PSTPIP1: variants seen among roughly 807,000 people sequenced by gnomAD.
The protein encoded by PSTPIP1 is proline-serine-threonine phosphatase interacting protein 1.
PSTPIP1 carries 66 observed loss-of-function variants against 69.6 expected under a neutral mutation model. That is an observed-to-expected ratio of 0.95 (90% confidence interval 0.78 to 1.16). The LOEUF is 1.16. Ranked by LOEUF, PSTPIP1 falls within the 50% of genes most tolerant of loss-of-function variation. The probability of loss-of-function intolerance (pLI) is 0.00; values close to 1 mark genes in which losing one functional copy is unlikely to be tolerated. For synonymous variants in PSTPIP1, 266 were observed against 222.7 expected (o/e 1.19, Z -1.73); for missense variants, 603 against 557.4 (o/e 1.08, Z -0.82).
Position 77,037,212 on chromosome 15 carries a change from A to C in PSTPIP1, c.*36A>C. 6.4e-7 allele frequency: 1 copy of C among 1,564,056 alleles called. No individual in the cohort carries two copies. Among genetic ancestry groups the C allele is most frequent in the Non-Finnish European group, 8.6e-7 (1 of 1,156,130 alleles). On this transcript the variant is annotated 3_prime_UTR_variant, in exon 15 of 15. Coordinates refer to ENST00000558012, the MANE Select transcript of PSTPIP1 (RefSeq NM_003978.5). ...GGAGCCCCTTCGGACCTGCCCTGCC[A>C]GTGGAGCCAGCAGTGCCCCCAGCAC...
Position 76,995,613 on chromosome 15 carries a change from A to C in PSTPIP1, c.36+4A>C. The C allele has an allele frequency of 6.2e-7, 1 of 1,613,416 alleles. No homozygotes were observed. Among genetic ancestry groups the C allele is most frequent in the Non-Finnish European group, 8.5e-7 (1 of 1,179,862 alleles). The stretch of plus-strand genomic sequence containing the variant: ...GCAGTTCAAAGATGCCTTTTGGGTG[A>C]GTGAGGATGGTTGGGGGCACTGAAC... On this transcript the variant is annotated splice_donor_region_variant and intron_variant, in intron 1 of 14. Coordinates refer to ENST00000558012, the MANE Select transcript of PSTPIP1 (RefSeq NM_003978.5).
chr15:77,035,403 C>A, intron 12 of PSTPIP1, 105 bp from the exon 13 acceptor site: 1 of 1,227,168 alleles, frequency 8.1e-7, no homozygotes, highest in Non-Finnish European at 1.2e-6. Context: ...CCAGCCCTGG[C>A]AGAGCGCGTG....
At chr15:77,028,777 A>T in intron 7 of PSTPIP1, 125 bp downstream of exon 7, 1 of 824,716 alleles carries the variant, frequency 1.2e-6, no homozygotes, top group South Asian at 2.2e-5. Flanking sequence ...GCCCTCTCTG[A>T]CCCCCAATCT....
intron 1 of PSTPIP1, among the ~76,000 whole-genome samples, chr15:77,004,463 C>T (rs963373412): frequency 6.6e-6 from 1 of 152,134 alleles, no homozygotes; most frequent in Non-Finnish European, 1.5e-5. Context: ...AACAGCCACA[C>T]TGGGGAGGAA....
intron 1 of PSTPIP1, chr15:77,015,889 G>T (rs776923558): frequency 3.1e-5 from 14 of 454,942 alleles, no homozygotes; most frequent in Admixed American, 2.8e-4. Flanking sequence ...AGCTCTGAGC[G>T]GGGGACTGGG....
At position 77,030,549 on chromosome 15, in the gene PSTPIP1, G is replaced by C; in HGVS notation, c.610G>C (p.Glu204Gln). 1 of 1,611,070 alleles carries C rather than the reference G, an allele frequency of 6.2e-7. No homozygotes were observed. Among genetic ancestry groups the C allele is most frequent in the African/African-American group, 1.3e-5 (1 of 75,038 alleles). Reference sequence around the variant, plus strand: ...TGCGCAGCTGGAGAAGGTCCGGGCTGAGTGGGAGCAGGAGCACCGGACCAC... The same window carrying C: ...TGCGCAGCTGGAGAAGGTCCGGGCTCAGTGGGAGCAGGAGCACCGGACCAC... ...SIAQLEKVRA[E>Q]WEQEHRTTCE... is the part of the protein sequence containing the mutation. Residue 204 changes from glutamate (E) to glutamine (Q), a missense_variant, in exon 9 of 15, where the codon GAG (glutamate) becomes CAG (glutamine). Glu to Gln is a conservative substitution (Grantham distance 29). Coordinates refer to ENST00000558012, the MANE Select transcript of PSTPIP1 (RefSeq NM_003978.5).
At chr15:77,010,177 G>A (rs963098767) in intron 1 of PSTPIP1, among the ~76,000 whole-genome samples, 1 of 152,182 alleles carries the variant, frequency 6.6e-6, no homozygotes, top group East Asian at 1.9e-4. Context: ...GGATCCTAGT[G>A]AGCCTCCAAC....
Position 77,031,220 on chromosome 15 carries a change from G to GC in PSTPIP1, c.684dup (p.Asn229GlnfsTer18). On this transcript the variant is annotated frameshift_variant, in exon 10 of 15. Coordinates refer to ENST00000558012, the MANE Select transcript of PSTPIP1 (RefSeq NM_003978.5). LOFTEE classifies it high-confidence loss of function. ...GAGTTTGACCGGCTGACCATTCTCC[G>GC]CAACGCCCTGTGGGTGCACAGCAAC... 6.2e-7 allele frequency: 1 copy of GC among 1,613,030 alleles called. No individual in the cohort carries two copies. The highest frequency in any genetic ancestry group is 8.5e-7 in the Non-Finnish European group (1 of 1,179,664).
intron 1 of PSTPIP1, chr15:77,008,172 G>A: frequency 2.5e-6 from 1 of 405,022 alleles, no homozygotes; most frequent in Non-Finnish European, 5.0e-6. Context: ...GGTCTGCACA[G>A]CACAGGGAAG....
chr15:77,021,001 C>A (rs543525649), intron 3 of PSTPIP1, among the ~76,000 whole-genome samples: 1 of 152,192 alleles, frequency 6.6e-6, no homozygotes, highest in Non-Finnish European at 1.5e-5. Flanking sequence ...CCACAGCTGC[C>A]CCCCAGGTCT....
At chr15:77,025,111 G>A (rs747487700) in intron 3 of PSTPIP1, among the ~76,000 whole-genome samples, 173 bp from the exon 4 acceptor site, 4 of 152,092 alleles carry the variant, frequency 2.6e-5, no homozygotes, top group Non-Finnish European at 5.9e-5. Flanking sequence ...ATCAGTCTGG[G>A]GCCCCAGTGG....
chr15:77,010,084 C>T (rs1190248069), intron 1 of PSTPIP1, among the ~76,000 whole-genome samples: 2 of 152,188 alleles, frequency 1.3e-5, no homozygotes, highest in Non-Finnish European at 2.9e-5. Context: ...GCTCCATCCT[C>T]CCCTGCATCA....
chr15:76,995,098 C>A, upstream of PSTPIP1: 4 of 1,177,016 alleles, frequency 3.4e-6, no homozygotes, highest in Non-Finnish European at 4.3e-6. Context: ...GGGCGAGGGC[C>A]CTGTGCCTGC....
chr15:77,008,469 G>A (rs956562898), intron 1 of PSTPIP1, among the ~76,000 whole-genome samples: 2 of 152,130 alleles, frequency 1.3e-5, no homozygotes, highest in Non-Finnish European at 2.9e-5. Context: ...GAGTGCAGTG[G>A]CACCGTGTCG....
At chr15:77,032,577 C>A in intron 11 of PSTPIP1, 183 bp downstream of exon 11, 1 of 664,226 alleles carries the variant, frequency 1.5e-6, no homozygotes, top group Non-Finnish European at 2.6e-6. Flanking sequence ...TCAGGCAAAG[C>A]TAAGGGCATG....
At chr15:77,020,831 A>C (rs1432951123) in intron 3 of PSTPIP1, among the ~76,000 whole-genome samples, 1 of 146,978 alleles carries the variant, frequency 6.8e-6, no homozygotes, top group Non-Finnish European at 1.5e-5. Context: ...AAGTGTGAGC[A>C]GTGGCCGTGG....
intron 1 of PSTPIP1, among the ~76,000 whole-genome samples, chr15:77,017,531 G>C (rs932517781): frequency 5.3e-5 from 8 of 150,662 alleles, no homozygotes; most frequent in African/African-American, 1.9e-4. Context: ...ATCTCCGTGA[G>C]GGGGGGTTTC....
At chr15:77,002,169 C>T (rs1169472214) in intron 1 of PSTPIP1, among the ~76,000 whole-genome samples, 3 of 152,350 alleles carry the variant, frequency 2.0e-5, no homozygotes, top group East Asian at 1.9e-4. Flanking sequence ...GTCTTCCTGA[C>T]TCTGTGATGG....
At chr15:76,994,930 C>T (rs2075539834), upstream of PSTPIP1, 1 of 1,259,088 alleles carries the variant, frequency 7.9e-7, no homozygotes, top group East Asian at 5.6e-5. Context: ...TTCCTGGGCC[C>T]CTCCTGGCCA....
Sources: gnomAD v4.1 joint callset for allele counts (sites outside exome capture counted in the v4.1 genomes callset) on GRCh38, gnomAD v4.1.1 for gene constraint, MANE v1.5 for transcripts, NCBI Gene and HGNC (gene_info 2026-07-23, HGNC 2026-07-21) for gene names.